SRP19: variants seen among roughly 807,000 people sequenced by gnomAD.
SRP19 encodes signal recognition particle 19 kDa protein.
A neutral mutation model predicts 22.4 loss-of-function variants in SRP19; 11 were observed. That is an observed-to-expected ratio of 0.49 (90% CI 0.31 to 0.81). The LOEUF (loss-of-function observed/expected upper bound fraction) is 0.81, where lower values mean the gene tolerates loss of function less well. Among genes scored for constraint, SRP19 ranks in the 40% least tolerant of loss-of-function variants. The pLI, the probability that SRP19 is intolerant of heterozygous loss-of-function variation, is 0.05. For synonymous variants in SRP19, 61 were observed against 57.6 expected, an observed-to-expected ratio of 1.06 and a Z score of -0.27; for missense variants, 168 against 175.9, an observed-to-expected ratio of 0.96 and a Z score of 0.25.
exon 5 of SRP19, chr5:112,892,331 A>C: frequency 6.2e-7 from 1 of 1,614,142 alleles, no homozygotes; most frequent in Non-Finnish European, 8.5e-7. Flanking sequence ...GCAAGCCTGG[A>C]GTACAGCGAG....
At chr5:112,887,490 C>G (rs1030556485) in intron 4 of SRP19, among the ~76,000 whole-genome samples, 2 of 152,094 alleles carry the variant, frequency 1.3e-5, no homozygotes, top group Non-Finnish European at 2.9e-5. Flanking sequence ...TTTTATTAAT[C>G]ATAACTCTTA....
At chr5:112,888,375 G>C (rs1739308231) in intron 4 of SRP19, among the ~76,000 whole-genome samples, 1 of 152,180 alleles carries the variant, frequency 6.6e-6, no homozygotes, top group Non-Finnish European at 1.5e-5. Flanking sequence ...ACTAGACTTT[G>C]AACTTGTATA....
At chr5:112,872,322 C>CTTTTT (rs759571945), downstream of SRP19, among the ~76,000 whole-genome samples, 891 of 92,584 alleles carry the variant, frequency 9.6e-3, 13 homozygotes, top group East Asian at 0.019. Context: ...CCAAATGATT[C>CTTTTT]TTTTTTTTTT....
chr5:112,884,351 T>G (rs912013901), intron 4 of SRP19, among the ~76,000 whole-genome samples: 7 of 152,046 alleles, frequency 4.6e-5, no homozygotes, highest in African/African-American at 1.7e-4. Context: ...CATTCTAAAG[T>G]ATGATTCCCC....
chr5:112,883,978 C>T (rs1039816820), intron 4 of SRP19, among the ~76,000 whole-genome samples: 3 of 152,264 alleles, frequency 2.0e-5, no homozygotes, highest in African/African-American at 7.2e-5. Context: ...GAATCTGATA[C>T]TTCTTACCCC....
rs1767705241 is a variant in SRP19, at chr5:112,869,373, A to G, written c.*1836A>G. 6.6e-6 allele frequency: 1 copy of G among 152,140 alleles called. No individual in the cohort carries two copies. Among genetic ancestry groups the G allele is most frequent in the Non-Finnish European group, 1.5e-5 (1 of 68,046 alleles). 9.4% of individuals were successfully genotyped at this position (152,140 alleles called of 1,614,324 possible). A position where few individuals can be genotyped will look rare whatever the true frequency, so the allele number is the denominator to read the frequency against. ...AAGTAGCTGAGACCATAGGCATGAG[A>G]TTTCTCAAAATTCCTCCCAGCAGGC... is the stretch of plus-strand genomic sequence containing the variant. On this transcript the variant is annotated 3_prime_UTR_variant, in exon 5 of 5. Coordinates refer to ENST00000505459, the MANE Select transcript of SRP19 (RefSeq NM_003135.3).
Position 112,867,390 on chromosome 5 carries a change from C to A in SRP19, c.302-14C>A. 6.2e-7 allele frequency: 1 copy of A among 1,609,582 alleles called. No individual in the cohort carries two copies. Among genetic ancestry groups the A allele is most frequent in the Non-Finnish European group, 8.5e-7 (1 of 1,177,274 alleles). ...TTCTCAGATTATACACTAAGCCTAA[C>A]TTCTGGTTCCTAGGTAAGTCAGTAA... On this transcript the variant is annotated splice_polypyrimidine_tract_variant and intron_variant, in intron 4 of 4. Transcript: ENST00000505459.
downstream of SRP19, among the ~76,000 whole-genome samples, chr5:112,872,172 T>C (rs1274392568): frequency 6.6e-6 from 1 of 152,232 alleles, no homozygotes; most frequent in Non-Finnish European, 1.5e-5. Context: ...TTATACATTC[T>C]GTTCACAGCT....
chr5:112,886,034 C>G (rs1768232931), intron 4 of SRP19, among the ~76,000 whole-genome samples: 1 of 152,220 alleles, frequency 6.6e-6, no homozygotes, highest in Non-Finnish European at 1.5e-5. Flanking sequence ...CATGGCCTCT[C>G]CACTTGGTGC....
intron 4 of SRP19, among the ~76,000 whole-genome samples, chr5:112,888,001 T>C (rs1042959099): frequency 4.6e-5 from 7 of 152,216 alleles, no homozygotes; most frequent in African/African-American, 1.7e-4. Flanking sequence ...GAAAGTTTAA[T>C]AAACAATATA....
chr5:112,876,133 AAC>A (rs1477037166), intron 4 of SRP19, among the ~76,000 whole-genome samples: 1 of 152,250 alleles, frequency 6.6e-6, no homozygotes, highest in African/African-American at 2.4e-5. Flanking sequence ...GTTAAAAAAA[AAC>A]AGTGGATTCG....
At chr5:112,896,597 T>G (rs559918837), downstream of SRP19, 1 of 152,168 alleles carries the variant, frequency 6.6e-6, no homozygotes, top group Non-Finnish European at 1.5e-5. Flanking sequence ...AGGTGACAAT[T>G]CAGGTCAGGA....
At chr5:112,885,558 C>T (rs1451356421) in intron 4 of SRP19, 1 of 248,652 alleles carries the variant, frequency 4.0e-6, no homozygotes, top group Non-Finnish European at 8.6e-6. Flanking sequence ...AACTACCTTC[C>T]CAGTATGATA....
chr5:112,869,104 G>C lies in SRP19; in HGVS notation c.*1567G>C, dbSNP rs1767697826. Reference sequence around the variant, plus strand: ...TTTGCTGTGTAACAAAACAATGAAGGATTTAAGCAGGATATTTTTGCCTCA... The same window carrying C: ...TTTGCTGTGTAACAAAACAATGAAGCATTTAAGCAGGATATTTTTGCCTCA... On this transcript the variant is annotated 3_prime_UTR_variant, in exon 5 of 5. Coordinates refer to ENST00000505459, the MANE Select transcript of SRP19 (RefSeq NM_003135.3). The C allele has an allele frequency of 6.6e-6, 1 of 152,156 alleles. No individual in the cohort carries two copies. The highest frequency in any genetic ancestry group is 1.5e-5 in the Non-Finnish European group (1 of 68,012). 9.4% of individuals were successfully genotyped at this position (152,156 alleles called of 1,614,324 possible). A position where few individuals can be genotyped will look rare whatever the true frequency, so the allele number is the denominator to read the frequency against.
chr5:112,891,636 C>T (rs1484886504), exon 5 of SRP19: 1 of 1,599,954 alleles, frequency 6.3e-7, no homozygotes, highest in Admixed American at 1.8e-5. Context: ...GCGGTGCTGG[C>T]AAGATGGCTG....
At position 112,861,432 on chromosome 5, in the gene SRP19, G is replaced by A. The variant is rs776150565; in HGVS notation, c.41+15G>A. 1 of 1,610,814 alleles carries A rather than the reference G, an allele frequency of 6.2e-7. No individual in the cohort carries two copies. The highest frequency in any genetic ancestry group is 2.2e-5 in the East Asian group (1 of 44,748). ...GACCAGGACAGGTGGGTTCTGAGGC[G>A]GTGGGTCCTCCGAAAGGAAGGGGCT... On this transcript the variant is annotated intron_variant, in intron 1 of 4. Coordinates refer to ENST00000505459, the MANE Select transcript of SRP19 (RefSeq NM_003135.3).
intron 4 of SRP19, among the ~76,000 whole-genome samples, chr5:112,880,312 T>A (rs1412952594): frequency 1.3e-5 from 2 of 152,180 alleles, no homozygotes; most frequent in African/African-American, 4.8e-5. Flanking sequence ...ACTTTCTAAT[T>A]ACCAAGTGGC....
Position 112,879,347 on chromosome 5 carries a change from G to A in SRP19, c.302-12256G>A, listed in dbSNP as rs1465532104. On this transcript the variant is annotated intron_variant, in intron 4 of 4. Coordinates refer to the SRP19 transcript ENST00000391338. The stretch of plus-strand genomic sequence containing the variant: ...GTTTGGGGGGGGGGGCTGGGGGGGC[G>A]GTGGGGGAGAGGAGATTAGTTCCAG... Among the ~76,000 whole-genome samples, 5 of 135,202 alleles carry A rather than the reference G, an allele frequency of 3.7e-5. No homozygotes were observed. The South Asian group carries it at 7.7e-4, about 21-fold the overall frequency. 88.7% of individuals were successfully genotyped at this position (135,202 alleles called of 152,430 possible).
chr5:112,878,092 C>G (rs945825136), intron 4 of SRP19: 2 of 151,644 alleles, frequency 1.3e-5, no homozygotes, highest in African/African-American at 4.9e-5. Context: ...TCCTGGTATT[C>G]ATATGCCATA....
Sources: gnomAD v4.1 joint callset for allele counts (sites outside exome capture counted in the v4.1 genomes callset) on GRCh38, gnomAD v4.1.1 for gene constraint, MANE v1.5 for transcripts, NCBI Gene and HGNC (gene_info 2026-07-23, HGNC 2026-07-21) for gene names.